MACROD2: variants seen among roughly 807,000 people sequenced by gnomAD.
MACROD2 encodes ADP-ribose glycohydrolase MACROD2.
A neutral mutation model predicts 70.4 loss-of-function variants in MACROD2; 36 were observed. The observed-to-expected ratio is 0.51, with a 90% CI of 0.39 to 0.68. The LOEUF (loss-of-function observed/expected upper bound fraction) is 0.68, where lower values mean the gene tolerates loss of function less well. Among genes scored for constraint, MACROD2 ranks in the 30% least tolerant of loss-of-function variants. MACROD2 has a pLI of 0.00. For synonymous variants in MACROD2, 172 were observed against 178.8 expected, an observed-to-expected ratio of 0.96 and a Z score of 0.30; for missense variants, 496 against 538.4, an observed-to-expected ratio of 0.92 and a Z score of 0.78.
At chr20:15,601,070 A>G (rs60031347) in intron 8 of MACROD2, among the ~76,000 whole-genome samples, 1,876 of 152,342 alleles carry the variant, frequency 0.012, 43 homozygotes, top group African/African-American at 0.043. Context: ...ACATACATTA[A>G]TAACATTTAA....
intron 8 of MACROD2, among the ~76,000 whole-genome samples, chr20:15,555,503 G>A (rs1205289139): frequency 6.6e-6 from 1 of 152,154 alleles, no homozygotes. Flanking sequence ...CATGGGGAGT[G>A]ATGGATGGGT....
chr20:15,017,944 G>A (rs2075134210), intron 5 of MACROD2, among the ~76,000 whole-genome samples: 1 of 152,204 alleles, frequency 6.6e-6, no homozygotes, highest in Non-Finnish European at 1.5e-5. Context: ...TGTGATGGGA[G>A]GGGCTGCTGG....
chr20:15,292,073 G>A (rs373982829), intron 6 of MACROD2, among the ~76,000 whole-genome samples: 1 of 151,992 alleles, frequency 6.6e-6, no homozygotes, highest in African/African-American at 2.4e-5. Flanking sequence ...TAGAGGTCTC[G>A]CTTTGCTGCC....
chr20:14,673,699 A>G (rs1441275460), intron 4 of MACROD2, among the ~76,000 whole-genome samples: 4 of 152,092 alleles, frequency 2.6e-5, no homozygotes, highest in Admixed American at 6.6e-5. Flanking sequence ...CAGGTGGATC[A>G]CTTGAGGTGA....
Position 16,049,943 on chromosome 20 carries a change from T to C in MACROD2, c.*67T>C, listed in dbSNP as rs2067436927. 1 of 86,690 alleles carries C rather than the reference T, an allele frequency of 1.2e-5. No homozygotes were observed. The highest frequency in any genetic ancestry group is 2.8e-4 in the East Asian group (1 of 3,570). The allele number at this position is 86,690 out of a possible 1,614,324, so 5.4% of individuals were successfully genotyped here. A position where few individuals can be genotyped will look rare whatever the true frequency, so the allele number is the denominator to read the frequency against. ...CTCGGGAAGATAGCAGCACACGCTG[T>C]GGAGGAGGGTGGGGGTGGGGGGAAG... is the stretch of plus-strand genomic sequence containing the variant. On this transcript the variant is annotated 3_prime_UTR_variant, in exon 18 of 18. Transcript: ENST00000684519.
chr20:15,210,552 GTTTTTTT>G (rs11333280), intron 5 of MACROD2, among the ~76,000 whole-genome samples: 8 of 121,626 alleles, frequency 6.6e-5, no homozygotes, highest in Non-Finnish European at 8.4e-5. Context: ...CTTTTCTTCT[GTTTTTTT>G]TTTTTTTTTT....
chr20:14,735,838 G>T (rs932215015), intron 5 of MACROD2, among the ~76,000 whole-genome samples: 6 of 152,104 alleles, frequency 3.9e-5, no homozygotes, highest in African/African-American at 1.4e-4. Context: ...GACAGAGCCA[G>T]ACTCGGACTC....
At chr20:15,908,320 G>A (rs73103522) in intron 10 of MACROD2, among the ~76,000 whole-genome samples, 184 of 152,228 alleles carry the variant, frequency 1.2e-3, no homozygotes, top group African/African-American at 4.2e-3. Flanking sequence ...CAGCACTTGC[G>A]GGTGGCCTTC....
chr20:15,154,194 G>A (rs2076291085), intron 5 of MACROD2, among the ~76,000 whole-genome samples: 1 of 152,162 alleles, frequency 6.6e-6, no homozygotes, highest in South Asian at 2.1e-4. Flanking sequence ...CCTAGGACAT[G>A]GAAGAAGCAG....
chr20:15,454,445 A>ACG (rs1555822878), intron 7 of MACROD2, among the ~76,000 whole-genome samples: 32 of 123,884 alleles, frequency 2.6e-4, no homozygotes, highest in African/African-American at 8.9e-4. Context: ...ACACACACAC[A>ACG]CACACACACC....
At chr20:14,009,322 A>G (rs1341490861) in intron 2 of MACROD2, among the ~76,000 whole-genome samples, 1 of 152,258 alleles carries the variant, frequency 6.6e-6, no homozygotes, top group East Asian at 1.9e-4. Flanking sequence ...ACTTCTCAAA[A>G]GAAGACATAC....
At chr20:14,714,452 C>T (rs2071374207) in intron 5 of MACROD2, among the ~76,000 whole-genome samples, 1 of 152,128 alleles carries the variant, frequency 6.6e-6, no homozygotes, top group South Asian at 2.1e-4. Context: ...ATTATTGTCA[C>T]CTCCTGCAAA....
intron 9 of MACROD2, among the ~76,000 whole-genome samples, chr20:15,872,146 T>C (rs1465967727): frequency 2.6e-5 from 4 of 152,200 alleles, no homozygotes; most frequent in African/African-American, 9.6e-5. Context: ...ATATTATCCA[T>C]TTGCATTAGT....
intron 6 of MACROD2, among the ~76,000 whole-genome samples, chr20:15,347,825 G>A (rs2078183016): frequency 6.6e-6 from 1 of 152,148 alleles, no homozygotes; most frequent in Non-Finnish European, 1.5e-5. Flanking sequence ...GACACATAGT[G>A]GGCACACAAT....
intron 4 of MACROD2, among the ~76,000 whole-genome samples, chr20:14,567,680 T>G (rs1979901154): frequency 6.6e-6 from 1 of 152,096 alleles, no homozygotes; most frequent in Admixed American, 6.6e-5. Flanking sequence ...TGACTGACAA[T>G]TTTTGAAAGC....
intron 12 of MACROD2, among the ~76,000 whole-genome samples, chr20:15,950,995 C>G (rs545219557): frequency 8.5e-5 from 13 of 152,144 alleles, no homozygotes; most frequent in African/African-American, 3.1e-4. Flanking sequence ...GTTTGGGAAA[C>G]CATTCCACAT....
rs17812652 is a variant in MACROD2 at position 14,383,736 on chromosome 20, C to G, written c.272-109743C>G. On this transcript the variant is annotated intron_variant, in intron 3 of 17. Transcript: ENST00000684519. ...GTGTTGACTTTGTCTTTTCTAAACA[C>G]TTCAGAAACTTTATTTATTAGCTTT... 7.1e-3 allele frequency among the ~76,000 whole-genome samples: 1,080 copies of G among 152,218 alleles called. 4 individuals are homozygous for G. The highest frequency in any genetic ancestry group is 0.012 in the Non-Finnish European group (801 of 67,994).
intron 6 of MACROD2, among the ~76,000 whole-genome samples, chr20:15,267,141 T>C (rs1417577263): frequency 1.3e-5 from 2 of 152,114 alleles, no homozygotes; most frequent in African/African-American, 4.8e-5. Flanking sequence ...CCCTTAAAAA[T>C]CTACCTGCAA....
intron 6 of MACROD2, among the ~76,000 whole-genome samples, chr20:15,264,843 C>T (rs2077278996): frequency 6.6e-6 from 1 of 152,014 alleles, no homozygotes. Context: ...CCCCAAACTT[C>T]ATGAGAGAAA....
Sources: gnomAD v4.1 joint callset for allele counts (sites outside exome capture counted in the v4.1 genomes callset) on GRCh38, gnomAD v4.1.1 for gene constraint, MANE v1.5 for transcripts, NCBI Gene and HGNC (gene_info 2026-07-23, HGNC 2026-07-21) for gene names.